The following DNAH9 variants were observed in gnomAD, a reference collection of about 807,000 sequenced individuals.
The protein encoded by DNAH9 is DNAH9 variant protein.
A neutral mutation model predicts 471.6 loss-of-function variants in DNAH9; 345 were observed. That is an observed-to-expected ratio of 0.73 (90% CI 0.67 to 0.80). The LOEUF is 0.80. Ranked by LOEUF, DNAH9 falls within the 30% of genes least tolerant of loss-of-function variation. The probability of loss-of-function intolerance (pLI) is 0.00; values close to 1 mark genes in which losing one functional copy is unlikely to be tolerated. For missense variants in DNAH9, 5,407 were observed against 5,609.2 expected, an observed-to-expected ratio of 0.96 and a Z score of 1.15; for synonymous variants, 2,093 against 2,123.6, an observed-to-expected ratio of 0.99 and a Z score of 0.40.
chr17:11,826,308 T>C (rs776608728), intron 48 of DNAH9, among the ~76,000 whole-genome samples: 1 of 152,144 alleles, frequency 6.6e-6, no homozygotes, highest in African/African-American at 2.4e-5. Flanking sequence ...GGTTATATTC[T>C]CTACTTCAAT....
chr17:11,955,705 G>A (rs1975608269), intron 67 of DNAH9, among the ~76,000 whole-genome samples: 1 of 152,188 alleles, frequency 6.6e-6, no homozygotes, highest in Non-Finnish European at 1.5e-5. Context: ...CCATGTACAG[G>A]TTTCCATATG....
At chr17:11,783,982 G>T (rs991477017) in intron 40 of DNAH9, among the ~76,000 whole-genome samples, 1 of 152,054 alleles carries the variant, frequency 6.6e-6, no homozygotes, top group Non-Finnish European at 1.5e-5. Flanking sequence ...TCAGATGAGG[G>T]CGCTTCAGAG....
At chr17:11,779,608 C>G (rs1968594554) in intron 38 of DNAH9, among the ~76,000 whole-genome samples, 1 of 152,134 alleles carries the variant, frequency 6.6e-6, no homozygotes, top group South Asian at 2.1e-4. Flanking sequence ...CTGCTTAATT[C>G]CAGGGGTTGA....
chr17:11,740,183 A>G (rs939618267), intron 29 of DNAH9, among the ~76,000 whole-genome samples: 5 of 152,234 alleles, frequency 3.3e-5, no homozygotes, highest in Admixed American at 6.5e-5. Flanking sequence ...TAATTATTAA[A>G]TAAGCCTTGT....
At chr17:11,788,975 C>T (rs1038477539) in intron 41 of DNAH9, among the ~76,000 whole-genome samples, 5 of 151,986 alleles carry the variant, frequency 3.3e-5, no homozygotes, top group African/African-American at 4.8e-5. Flanking sequence ...AATGATTTTT[C>T]TGCCATCTGT....
At position 11,699,768 on chromosome 17, in the gene DNAH9, C is replaced by T. The variant is rs143728995; in HGVS notation, c.4910C>T (p.Ala1637Val). 3.7e-6 allele frequency: 6 copies of T among 1,614,150 alleles called. No individual in the cohort carries two copies. The African/African-American group carries it at 6.7e-5, about 18-fold the overall frequency. ...CTTTCCAAACTCTTTGACAACATGG[C>T]CAAGATGCGATTCCAGCTAGATGCC... ...RHLSKLFDNM[A>V]KMRFQLDASG... is the part of the protein sequence containing the mutation. Residue 1637 changes from alanine to valine, a missense_variant, in exon 23 of 69, where the codon GCC becomes GTC. Around this residue, in one of 3 missense-constraint regions of DNAH9, gnomAD observed 4,636 missense variants for 4,900.3 expected, o/e 0.95. Coordinates refer to ENST00000262442, the MANE Select transcript of DNAH9 (RefSeq NM_001372.4).
intron 45 of DNAH9, among the ~76,000 whole-genome samples, chr17:11,819,933 T>C (rs1414688356): frequency 6.6e-6 from 1 of 152,192 alleles, no homozygotes; most frequent in Non-Finnish European, 1.5e-5. Flanking sequence ...CATTTTATTT[T>C]ATTTTTTCTT....
At chr17:11,746,692 G>C (rs897592575) in intron 31 of DNAH9, among the ~76,000 whole-genome samples, 6 of 152,160 alleles carry the variant, frequency 3.9e-5, no homozygotes, top group African/African-American at 1.4e-4. Context: ...TCCAGGAAAG[G>C]AATGAAATTT....
At chr17:11,961,782 C>T (rs1248790841) in intron 67 of DNAH9, 85 bp from the exon 68 acceptor site, 2 of 1,466,186 alleles carry the variant, frequency 1.4e-6, no homozygotes, top group Admixed American at 2.2e-5. Context: ...TGCCTGGGTG[C>T]CATGAGCCAG....
chr17:11,850,782 T>A (rs1422940747), intron 49 of DNAH9, among the ~76,000 whole-genome samples: 2 of 152,154 alleles, frequency 1.3e-5, no homozygotes, highest in African/African-American at 4.8e-5. Flanking sequence ...AGGGATTTTT[T>A]AAATTTTGAC....
At chr17:11,835,820 A>G (rs11651928) in intron 49 of DNAH9, among the ~76,000 whole-genome samples, 67,661 of 151,934 alleles carry the variant, frequency 0.45, 15,337 homozygotes, top group Non-Finnish European at 0.49. Context: ...AAAACAACCT[A>G]TGGCGGCTGA....
At chr17:11,699,026 G>T (rs532694505) in intron 22 of DNAH9, among the ~76,000 whole-genome samples, 1 of 152,022 alleles carries the variant, frequency 6.6e-6, no homozygotes, top group Non-Finnish European at 1.5e-5. Flanking sequence ...CAAGGGGGGC[G>T]GATCACGAGA....
chr17:11,937,684 C>T lies in DNAH9; in HGVS notation c.12660+162C>T, dbSNP rs796345830. ...ATGCTTGCCTGTCACCGCCAAGAGC[C>T]TCTCCCCTCCCGTCATCACCATGCT... On this transcript the variant is annotated intron_variant, in intron 66 of 68. Transcript: ENST00000262442. The surrounding 1 kb of genome is among the most constrained non-coding windows in gnomAD (Gnocchi z 4.1). 3.3e-5 allele frequency among the ~76,000 whole-genome samples: 5 copies of T among 152,270 alleles called. No individual in the cohort carries two copies. The highest frequency in any genetic ancestry group is 1.2e-4 in the African/African-American group (5 of 41,550).
intron 37 of DNAH9, 53 bp from the exon 38 acceptor site, chr17:11,769,069 T>C: frequency 6.3e-7 from 1 of 1,592,242 alleles, no homozygotes; most frequent in Non-Finnish European, 8.6e-7. Context: ...CGCTGGTGCA[T>C]CTGTTTCTCC....
chr17:11,663,327 G>A (rs534695574), intron 14 of DNAH9, among the ~76,000 whole-genome samples: 3 of 152,298 alleles, frequency 2.0e-5, no homozygotes, highest in South Asian at 2.1e-4. Context: ...CCCGACAGCA[G>A]CACCAAACTC....
chr17:11,615,997 A>G (rs1298057684), intron 4 of DNAH9, among the ~76,000 whole-genome samples: 1 of 152,172 alleles, frequency 6.6e-6, no homozygotes, highest in African/African-American at 2.4e-5. Context: ...AATTCGATTC[A>G]CATACTGCTT....
chr17:11,756,021 C>G (rs751832975), intron 33 of DNAH9, among the ~76,000 whole-genome samples: 1 of 152,042 alleles, frequency 6.6e-6, no homozygotes, highest in Non-Finnish European at 1.5e-5. Flanking sequence ...GTGGTTCAAG[C>G]CTGTGAGCAC....
intron 61 of DNAH9, among the ~76,000 whole-genome samples, chr17:11,912,421 A>T (rs1973821998): frequency 6.6e-6 from 1 of 152,180 alleles, no homozygotes; most frequent in South Asian, 2.1e-4. Context: ...CTTCATCATT[A>T]AGTATGATGT....
chr17:11,787,835 C>T (rs972611557), intron 41 of DNAH9, among the ~76,000 whole-genome samples: 1 of 152,124 alleles, frequency 6.6e-6, no homozygotes, highest in South Asian at 2.1e-4. Flanking sequence ...TCCGCTTTTG[C>T]ATCTTTCTCA....
Sources: gnomAD v4.1 joint callset for allele counts (sites outside exome capture counted in the v4.1 genomes callset) on GRCh38, gnomAD v4.1.1 for gene constraint, gnomAD v4.1.1 regional missense constraint, Gnocchi (gnomAD v3.1) non-coding constraint, MANE v1.5 for transcripts, NCBI Gene and HGNC (gene_info 2026-07-23, HGNC 2026-07-21) for gene names.